The following AAK1 variants were observed in gnomAD, a reference collection of about 807,000 sequenced individuals.
The protein encoded by AAK1 is AP2-associated protein kinase 1.
In AAK1, 37 loss-of-function variants were observed where a neutral mutation model predicts 116.0. The observed-to-expected ratio is 0.32, with a 90% CI of 0.25 to 0.42. AAK1 has a LOEUF of 0.42. AAK1 is among the 10% of genes least tolerant of loss of function. The pLI, the probability that AAK1 is intolerant of heterozygous loss-of-function variation, is 1.00. For missense variants in AAK1, 919 were observed against 1,170.6 expected (o/e 0.79, Z 3.14); for synonymous variants, 458 against 439.9 (o/e 1.04, Z -0.51).
At position 69,475,361 on chromosome 2, in the gene AAK1, A is replaced by G; in HGVS notation, c.*508T>C. 1 of 987,324 alleles carries G rather than the reference A, an allele frequency of 1.0e-6. No individual in the cohort carries two copies. Among genetic ancestry groups the G allele is most frequent in the Non-Finnish European group, 1.2e-6 (1 of 831,038 alleles). 61.2% of individuals were successfully genotyped at this position (987,324 alleles called of 1,614,324 possible). On this transcript the variant is annotated 3_prime_UTR_variant, in exon 22 of 22. Coordinates refer to ENST00000409085, the MANE Select transcript of AAK1 (RefSeq NM_014911.5). ...TAAACCACACACCCATCTCCAGGCT[A>G]CTGCCTAGAGTTAAGACCAACTGAA...
chr2:69,629,124 G>A (rs1308568424), intron 2 of AAK1, among the ~76,000 whole-genome samples: 1 of 152,118 alleles, frequency 6.6e-6, no homozygotes, highest in Non-Finnish European at 1.5e-5. Context: ...CATCTTCTTT[G>A]AGGTTCTCTC....
In AAK1 at chr2:69,536,955, A is replaced by G. The variant is rs114793502; in HGVS notation, c.535-4793T>C. On this transcript the variant is annotated intron_variant, in intron 5 of 21. Transcript: ENST00000409085. ...AGGAGACATCTATGACTCTTTTGAC[A>G]TGAATGTGCATGTTAAGCCTTAACC... Among the ~76,000 whole-genome samples, 808 of 152,388 alleles carry G rather than the reference A, an allele frequency of 5.3e-3. 3 individuals carry two copies. Among genetic ancestry groups the G allele is most frequent in the African/African-American group, 0.019 (773 of 41,596 alleles).
At chr2:69,626,169 C>T (rs1455790930) in intron 2 of AAK1, among the ~76,000 whole-genome samples, 3 of 152,098 alleles carry the variant, frequency 2.0e-5, no homozygotes, top group African/African-American at 7.2e-5. Flanking sequence ...GTATTTTCAA[C>T]CTCTTCCTCT....
At position 69,469,608 on chromosome 2, in the gene AAK1, C is replaced by G; in HGVS notation, c.*6261G>C. 1 of 985,468 alleles carries G rather than the reference C, an allele frequency of 1.0e-6. No individual in the cohort carries two copies. Among genetic ancestry groups the G allele is most frequent in the Non-Finnish European group, 1.2e-6 (1 of 829,970 alleles). 61.0% of individuals were successfully genotyped at this position (985,468 alleles called of 1,614,324 possible). A position where few individuals can be genotyped will look rare whatever the true frequency, so the allele number is the denominator to read the frequency against. On this transcript the variant is annotated 3_prime_UTR_variant, in exon 22 of 22. Coordinates refer to ENST00000409085, the MANE Select transcript of AAK1 (RefSeq NM_014911.5). ...TAGCAGATACCCTGTGGCCATAGAG[C>G]TCAGTAAACACTGCCTGTTGTACCT...
intron 8 of AAK1, among the ~76,000 whole-genome samples, chr2:69,527,758 T>C (rs778509281): frequency 6.6e-6 from 1 of 152,216 alleles, no homozygotes; most frequent in Non-Finnish European, 1.5e-5. Context: ...TTGTTGGAAA[T>C]ATTAGCTGGT....
intron 5 of AAK1, among the ~76,000 whole-genome samples, chr2:69,538,943 T>C (rs1336925212): frequency 6.6e-6 from 1 of 152,110 alleles, no homozygotes; most frequent in Non-Finnish European, 1.5e-5. Flanking sequence ...GAATATTACT[T>C]TCTAAAAGGA....
Position 69,466,853 on chromosome 2 carries a change from C to T in AAK1, c.*9016G>A. 1 of 985,390 alleles carries T rather than the reference C, an allele frequency of 1.0e-6. No homozygotes were observed. The highest frequency in any genetic ancestry group is 1.2e-6 in the Non-Finnish European group (1 of 829,934). 61.0% of individuals were successfully genotyped at this position (985,390 alleles called of 1,614,324 possible). ...TCCTACACACAGGGCCAGGCACGGA[C>T]ACCTGCTCTACCTGGCACTGGCTCA... On this transcript the variant is annotated 3_prime_UTR_variant, in exon 22 of 22. Transcript: ENST00000409085.
chr2:69,476,816 G>T (rs1026291792), intron 21 of AAK1, 64 bp downstream of exon 21: 2 of 1,131,796 alleles, frequency 1.8e-6, no homozygotes, highest in Admixed American at 4.1e-5. Context: ...TGCAGATTAG[G>T]TGCATGACTA....
intron 2 of AAK1, among the ~76,000 whole-genome samples, chr2:69,623,623 G>A (rs943937568): frequency 1.3e-5 from 2 of 152,088 alleles, no homozygotes; most frequent in Non-Finnish European, 2.9e-5. Context: ...AGACCAGCAT[G>A]GGCAATATAG....
chr2:69,631,900 A>T (rs1306418959), intron 2 of AAK1, among the ~76,000 whole-genome samples: 1 of 152,156 alleles, frequency 6.6e-6, no homozygotes, highest in African/African-American at 2.4e-5. Flanking sequence ...GGATCGCTTG[A>T]GCCCGGGAGG....
At chr2:69,540,475 T>A (rs1002306646) in intron 5 of AAK1, among the ~76,000 whole-genome samples, 1 of 152,204 alleles carries the variant, frequency 6.6e-6, no homozygotes, top group African/African-American at 2.4e-5. Context: ...AGAGGTACAC[T>A]ACAGAAAGCT....
At position 69,491,105 on chromosome 2, in the gene AAK1, T is replaced by TA. The variant is rs963625841; in HGVS notation, c.2365+4879dup. Among the ~76,000 whole-genome samples the TA allele has an allele frequency of 3.8e-4, 58 of 151,102 alleles. 1 individual carries two copies. Among genetic ancestry groups the TA allele is most frequent in the Middle Eastern group, 6.8e-3 (2 of 294 alleles). ...GCATGCAGCACTATGCCTGGCTAAT[T>TA]AAAAAAAAATTTTTTTTTTTTTAGA... On this transcript the variant is annotated intron_variant, in intron 17 of 21. Coordinates refer to ENST00000409085, the MANE Select transcript of AAK1 (RefSeq NM_014911.5).
chr2:69,469,683 T>C lies in AAK1; in HGVS notation c.*6186A>G. The C allele has an allele frequency of 3.0e-6, 3 of 985,444 alleles. No individual in the cohort carries two copies. The highest frequency in any genetic ancestry group is 2.4e-6 in the Non-Finnish European group (2 of 829,918). 61.0% of individuals were successfully genotyped at this position (985,444 alleles called of 1,614,324 possible). A position where few individuals can be genotyped will look rare whatever the true frequency, so the allele number is the denominator to read the frequency against. On this transcript the variant is annotated 3_prime_UTR_variant, in exon 22 of 22. Coordinates refer to ENST00000409085, the MANE Select transcript of AAK1 (RefSeq NM_014911.5). Reference sequence around the variant, plus strand: ...CTTCATAGTCTGCACAGGGTCTTACTTATCATAGAGCCTAACGTAGGGTTT... The same window carrying C: ...CTTCATAGTCTGCACAGGGTCTTACCTATCATAGAGCCTAACGTAGGGTTT...
intron 11 of AAK1, among the ~76,000 whole-genome samples, chr2:69,520,561 A>G (rs1669728991): frequency 6.6e-6 from 1 of 151,876 alleles, no homozygotes; most frequent in South Asian, 2.1e-4. Context: ...ACAGGGTTTC[A>G]TCATGTTGGC....
intron 17 of AAK1, among the ~76,000 whole-genome samples, chr2:69,492,405 G>C (rs1675558808): frequency 6.6e-6 from 1 of 151,894 alleles, no homozygotes; most frequent in African/African-American, 2.4e-5. Context: ...GTAGAGACAG[G>C]GTCCCACCAT....
intron 2 of AAK1, among the ~76,000 whole-genome samples, chr2:69,595,260 G>T (rs777799559): frequency 1.3e-5 from 2 of 152,002 alleles, no homozygotes; most frequent in Admixed American, 6.6e-5. Flanking sequence ...TTACAGGCAC[G>T]CACCACCACA....
At chr2:69,534,064 A>G (rs1438628766) in intron 5 of AAK1, among the ~76,000 whole-genome samples, 2 of 152,232 alleles carry the variant, frequency 1.3e-5, no homozygotes. Context: ...TAGAGGTTAT[A>G]AAAATAACAG....
intron 2 of AAK1, among the ~76,000 whole-genome samples, chr2:69,632,936 G>A (rs1675260880): frequency 6.6e-6 from 1 of 151,970 alleles, no homozygotes; most frequent in Non-Finnish European, 1.5e-5. Flanking sequence ...GGGAGGCTGA[G>A]GCAGGAGAAT....
intron 5 of AAK1, among the ~76,000 whole-genome samples, chr2:69,541,757 T>G (rs899300692): frequency 6.6e-6 from 1 of 152,198 alleles, no homozygotes; most frequent in African/African-American, 2.4e-5. Flanking sequence ...CCTACCAGCC[T>G]GCATTTAACA....
Sources: allele counts gnomAD v4.1 joint callset (sites outside exome capture counted in the v4.1 genomes callset), GRCh38; gene constraint gnomAD v4.1.1; transcripts MANE v1.5; gene names NCBI Gene and HGNC (gene_info 2026-07-23, HGNC 2026-07-21).